Variants in PPP2R3A observed in about 807,000 individuals in gnomAD.
PPP2R3A encodes the protein protein phosphatase 2 regulatory subunit B''alpha.
In PPP2R3A, 80 loss-of-function variants were observed where a neutral mutation model predicts 106.9. The ratio of observed to expected loss-of-function variants is 0.75; its 90% confidence interval spans 0.62 to 0.90. The LOEUF (loss-of-function observed/expected upper bound fraction) is 0.90, where lower values mean the gene tolerates loss of function less well. Among genes scored for constraint, PPP2R3A ranks in the 40% least tolerant of loss-of-function variants. The pLI is 0.00. For missense variants in PPP2R3A, 1,386 were observed against 1,350.4 expected, an observed-to-expected ratio of 1.03 and a Z score of -0.41; for synonymous variants, 483 against 468.3, an observed-to-expected ratio of 1.03 and a Z score of -0.41.
chr3:136,051,539 A>G (rs1935687218), intron 5 of PPP2R3A, among the ~76,000 whole-genome samples: 1 of 152,184 alleles, frequency 6.6e-6, no homozygotes. Flanking sequence ...CATGTTGGCC[A>G]GGTTGGTCTC....
chr3:135,994,381 C>G (rs1336586299), intron 1 of PPP2R3A, among the ~76,000 whole-genome samples: 3 of 152,134 alleles, frequency 2.0e-5, no homozygotes, highest in African/African-American at 7.2e-5. Context: ...CATCAACTTT[C>G]TATCTTCAGC....
At chr3:136,038,556 T>C (rs1408972736) in intron 3 of PPP2R3A, among the ~76,000 whole-genome samples, 2 of 152,208 alleles carry the variant, frequency 1.3e-5, no homozygotes, top group African/African-American at 2.4e-5. Context: ...CTTCCAGTTC[T>C]GAAAAATTCA....
intron 8 of PPP2R3A, among the ~76,000 whole-genome samples, chr3:136,087,245 G>GTCTCTCTCTCTC (rs34566151): frequency 0.016 from 1,202 of 75,092 alleles, 129 homozygotes; most frequent in East Asian, 0.03. Context: ...CTCTAGTCGT[G>GTCTCTCTCTCTC]TCTCTCTCTC....
At chr3:135,970,549 C>T (rs1937216257) in intron 1 of PPP2R3A, among the ~76,000 whole-genome samples, 1 of 152,112 alleles carries the variant, frequency 6.6e-6, no homozygotes, top group African/African-American at 2.4e-5. Flanking sequence ...AGATGTGGAA[C>T]AAAAATGATC....
intron 5 of PPP2R3A, chr3:136,055,455 ATG>A: frequency 1.8e-6 from 2 of 1,117,676 alleles, no homozygotes; most frequent in South Asian, 2.5e-5. Flanking sequence ...CAAAGTGTAA[ATG>A]TGAAGACACA....
intron 1 of PPP2R3A, among the ~76,000 whole-genome samples, chr3:135,977,839 A>G (rs897481961): frequency 6.6e-6 from 1 of 151,832 alleles, no homozygotes; most frequent in African/African-American, 2.4e-5. Context: ...AGCTGTGACT[A>G]TAGGTGTGAG....
intron 13 of PPP2R3A, among the ~76,000 whole-genome samples, chr3:136,142,781 C>A (rs1938928640): frequency 6.6e-6 from 1 of 152,206 alleles, no homozygotes. Flanking sequence ...AGTCACACTT[C>A]ACACTTAACT....
Position 136,065,250 on chromosome 3 carries a change from A to C in PPP2R3A, c.2470-5228A>C, listed in dbSNP as rs182055405. ...AAAGAATCAATATTTTCTAAAGTTGATAAAGTACTAATTATAATGTAGTTT... is the reference window on the plus strand; with the variant it reads ...AAAGAATCAATATTTTCTAAAGTTGCTAAAGTACTAATTATAATGTAGTTT... On this transcript the variant is annotated intron_variant, in intron 5 of 13. Coordinates refer to ENST00000264977, the MANE Select transcript of PPP2R3A (RefSeq NM_002718.5). Among the ~76,000 whole-genome samples, 65 of 152,312 alleles carry C rather than the reference A, an allele frequency of 4.3e-4. 3 individuals are homozygous for C. Among genetic ancestry groups the C allele is most frequent in the Admixed American group, 9.1e-4 (14 of 15,304 alleles).
At chr3:136,120,139 G>A (rs572999035) in intron 13 of PPP2R3A, among the ~76,000 whole-genome samples, 3 of 151,852 alleles carry the variant, frequency 2.0e-5, no homozygotes, top group Non-Finnish European at 2.9e-5. Flanking sequence ...TGTCCGGGGG[G>A]GGTGGGGGCT....
At chr3:136,089,402 C>A (rs1008357493) in intron 9 of PPP2R3A, among the ~76,000 whole-genome samples, 3 of 151,942 alleles carry the variant, frequency 2.0e-5, no homozygotes, top group African/African-American at 7.3e-5. Flanking sequence ...AGGTGTGCAG[C>A]TTTATTTCTG....
intron 5 of PPP2R3A, among the ~76,000 whole-genome samples, chr3:136,068,867 T>C (rs1206441818): frequency 2.6e-5 from 4 of 152,192 alleles, no homozygotes. Context: ...CCCTCTGTAT[T>C]ACGTATGCCC....
intron 1 of PPP2R3A, among the ~76,000 whole-genome samples, chr3:135,987,021 C>T (rs779136605): frequency 5.3e-5 from 8 of 152,070 alleles, no homozygotes; most frequent in Non-Finnish European, 1.2e-4. Flanking sequence ...CTGCTCTTTT[C>T]GGTTATCAGT....
At chr3:136,118,846 T>G (rs1051429645) in intron 13 of PPP2R3A, among the ~76,000 whole-genome samples, 3 of 152,194 alleles carry the variant, frequency 2.0e-5, no homozygotes, top group Non-Finnish European at 2.9e-5. Flanking sequence ...CCACTGACTT[T>G]CTTCACAAAA....
At position 136,122,999 on chromosome 3, in the gene PPP2R3A, A is replaced by G. The variant is rs537994916; in HGVS notation, c.3329+16677A>G. ...AAATCTTAAAACTAAGCAAACTAAGATAAGTAACTCTTTAATGGATAAAGG... is the reference window on the plus strand; with the variant it reads ...AAATCTTAAAACTAAGCAAACTAAGGTAAGTAACTCTTTAATGGATAAAGG... On this transcript the variant is annotated intron_variant, in intron 13 of 13. Transcript: ENST00000264977. 6.6e-5 allele frequency among the ~76,000 whole-genome samples: 10 copies of G among 152,300 alleles called. 1 individual carries two copies. In the South Asian group the frequency reaches 1.9e-3, roughly 28 times the overall value.
intron 10 of PPP2R3A, among the ~76,000 whole-genome samples, chr3:136,097,885 A>T (rs78055670): frequency 0.033 from 4,985 of 152,224 alleles, 293 homozygotes; most frequent in African/African-American, 0.11. Context: ...TCTGCTTATG[A>T]GATGTAACTC....
intron 3 of PPP2R3A, among the ~76,000 whole-genome samples, chr3:136,037,497 C>T (rs1245184217): frequency 6.6e-6 from 1 of 152,194 alleles, no homozygotes; most frequent in Admixed American, 6.5e-5. Flanking sequence ...AGACTCTTTT[C>T]TGAACCATAC....
chr3:136,045,426 C>T (rs1446586235), intron 4 of PPP2R3A, among the ~76,000 whole-genome samples: 1 of 152,208 alleles, frequency 6.6e-6, no homozygotes, highest in Non-Finnish European at 1.5e-5. Context: ...ACTCTCAGAG[C>T]ACTGGGAAAA....
At chr3:136,038,231 G>A (rs892261169) in intron 3 of PPP2R3A, among the ~76,000 whole-genome samples, 2 of 151,930 alleles carry the variant, frequency 1.3e-5, no homozygotes, top group Non-Finnish European at 2.9e-5. Context: ...ATACCCTCCT[G>A]CTGTATAACA....
chr3:136,044,511 C>T (rs1308150145), intron 4 of PPP2R3A, among the ~76,000 whole-genome samples: 1 of 135,122 alleles, frequency 7.4e-6, no homozygotes, highest in Non-Finnish European at 1.5e-5. Context: ...TTTGAGGCTG[C>T]AGTAAGCTAT....
Sources: allele counts gnomAD v4.1 joint callset (sites outside exome capture counted in the v4.1 genomes callset), GRCh38; gene constraint gnomAD v4.1.1; transcripts MANE v1.5; gene names NCBI Gene and HGNC (gene_info 2026-07-23, HGNC 2026-07-21).